Variants in DERA observed in about 807,000 individuals in gnomAD.
DERA encodes the protein 2-deoxy-D-ribose 5-phosphate aldolase.
A neutral mutation model predicts 41.1 loss-of-function variants in DERA; 15 were observed. The ratio of observed to expected loss-of-function variants is 0.37; its 90% CI spans 0.24 to 0.56. DERA has a LOEUF of 0.56. Ranked by LOEUF, DERA falls within the 20% of genes least tolerant of loss-of-function variation. DERA has a pLI of 0.81. For synonymous variants in DERA, 139 were observed against 137.4 expected (o/e 1.01, Z -0.08); for missense variants, 396 against 403.4 (o/e 0.98, Z 0.16).
rs955770318 is a variant in DERA, at chr12:15,999,569, T to C, written c.637+17133T>C. Among the ~76,000 whole-genome samples, 59 of 152,056 alleles carry C rather than the reference T, an allele frequency of 3.9e-4. 1 individual carries two copies. Among genetic ancestry groups the C allele is most frequent in the Non-Finnish European group, 1.3e-4 (9 of 68,010 alleles). On this transcript the variant is annotated intron_variant, in intron 6 of 8. Transcript: ENST00000428559. The surrounding 1 kb of genome is among the most constrained non-coding windows in gnomAD (Gnocchi z 5.3). ...TTGGGCTGAGAGTCACTGGCTCTCA[T>C]AGAGAGATGTGAAAGAACATGTCAT...
chr12:16,007,580 G>A (rs1948920711), intron 6 of DERA, among the ~76,000 whole-genome samples: 1 of 152,156 alleles, frequency 6.6e-6, no homozygotes, highest in Admixed American at 6.5e-5. Flanking sequence ...AGTAGAAAGT[G>A]GATAGTAGAT....
rs956869389 is a variant in DERA, at chr12:15,992,005, G to A, written c.637+9569G>A. Reference sequence around the variant, plus strand: ...AATTGATCATGCTGTTATACTCTTAGGACAGTTGCAAATACCAGTAGCATT... The same window carrying A: ...AATTGATCATGCTGTTATACTCTTAAGACAGTTGCAAATACCAGTAGCATT... On this transcript the variant is annotated intron_variant, in intron 6 of 8. Transcript: ENST00000428559. The surrounding 1 kb of genome is among the most constrained non-coding windows in gnomAD (Gnocchi z 4.3). 1.3e-5 allele frequency among the ~76,000 whole-genome samples: 2 copies of A among 151,584 alleles called. No homozygotes were observed. The highest frequency in any genetic ancestry group is 3.9e-4 in the East Asian group (2 of 5,168).
In DERA at chr12:15,947,594, A is replaced by G. The variant is rs537588894; in HGVS notation, c.32-9342A>G. On this transcript the variant is annotated intron_variant, in intron 1 of 8. Coordinates refer to ENST00000428559, the MANE Select transcript of DERA (RefSeq NM_015954.4). ...TCCTCCATCCCTTTATTTTCATCCT[A>G]TGTGTGTCTCTGCATGTGAGATGGG... 3.9e-5 allele frequency among the ~76,000 whole-genome samples: 6 copies of G among 151,956 alleles called. No individual in the cohort carries two copies. In the East Asian group the frequency reaches 7.7e-4, roughly 20 times the overall value.
At chr12:16,007,425 C>T (rs1019347257) in intron 6 of DERA, among the ~76,000 whole-genome samples, 1 of 152,198 alleles carries the variant, frequency 6.6e-6, no homozygotes, top group Non-Finnish European at 1.5e-5. Flanking sequence ...TCCTAGCAGT[C>T]CACCTGCCTC....
rs1481881996 is a variant in DERA at position 15,936,401 on chromosome 12, G to GT, written c.32-20529dup. ...TAATAATTTACTGTTTGTGTTGGCA[G>GT]TTTTTTCTGCAATATCTTAAAATTA... On this transcript the variant is annotated intron_variant, in intron 1 of 8. Transcript: ENST00000428559. This position sits in a 1 kb window ranked among gnomAD's most constrained non-coding sequence, Gnocchi z 4.6. Among the ~76,000 whole-genome samples, 2 of 152,164 alleles carry GT rather than the reference G, an allele frequency of 1.3e-5. No homozygotes were observed. Among genetic ancestry groups the GT allele is most frequent in the Non-Finnish European group, 2.9e-5 (2 of 68,036 alleles).
rs961764698 is a variant in DERA, at chr12:16,010,867, G to T, written c.638-21675G>T. On this transcript the variant is annotated intron_variant, in intron 6 of 8. Coordinates refer to ENST00000428559, the MANE Select transcript of DERA (RefSeq NM_015954.4). The surrounding 1 kb of genome is among the most constrained non-coding windows in gnomAD (Gnocchi z 5.5). ...CTTCTTTTATGAAAGACAGGTCACT[G>T]TAAAAAGAAACTCTACCCACTTATC... Among the ~76,000 whole-genome samples, 4 of 151,824 alleles carry T rather than the reference G, an allele frequency of 2.6e-5. No homozygotes were observed. The highest frequency in any genetic ancestry group is 2.6e-4 in the Admixed American group (4 of 15,268).
intron 1 of DERA, among the ~76,000 whole-genome samples, chr12:15,919,360 A>G (rs1266485694): frequency 1.3e-5 from 2 of 152,190 alleles, no homozygotes; most frequent in Non-Finnish European, 2.9e-5. Context: ...TTCTGCCAGG[A>G]AAGAAAGACT....
intron 1 of DERA, among the ~76,000 whole-genome samples, chr12:15,926,604 C>T (rs549900729): frequency 5.3e-4 from 80 of 152,032 alleles, no homozygotes; most frequent in Middle Eastern, 3.4e-3. Flanking sequence ...GGCGTGGTGG[C>T]GGGCGCCTGT....
At chr12:15,949,082 G>C (rs536133949) in intron 1 of DERA, among the ~76,000 whole-genome samples, 1 of 152,124 alleles carries the variant, frequency 6.6e-6, no homozygotes, top group Non-Finnish European at 1.5e-5. Context: ...AGGGGTAACC[G>C]GCCGTGTGGG....
At position 15,943,537 on chromosome 12, in the gene DERA, C is replaced by G. The variant is rs1948423210; in HGVS notation, c.32-13399C>G. ...GTTCTCCTTAAGGACCTTTTAAACC[C>G]TGTTGGCCATGGCTCACCATATGCA... On this transcript the variant is annotated intron_variant, in intron 1 of 8. Coordinates refer to ENST00000428559, the MANE Select transcript of DERA (RefSeq NM_015954.4). The surrounding 1 kb of genome is among the most constrained non-coding windows in gnomAD (Gnocchi z 4.5). Among the ~76,000 whole-genome samples, 1 of 152,148 alleles carries G rather than the reference C, an allele frequency of 6.6e-6. No individual in the cohort carries two copies. Among genetic ancestry groups the G allele is most frequent in the Non-Finnish European group, 1.5e-5 (1 of 68,032 alleles).
intron 1 of DERA, among the ~76,000 whole-genome samples, chr12:15,937,460 T>C (rs1438264576): frequency 6.6e-6 from 1 of 152,198 alleles, no homozygotes; most frequent in African/African-American, 2.4e-5. Context: ...GCCAGTAGTA[T>C]AGTTCCAGTT....
chr12:15,937,944 G>A (rs1190539804), intron 1 of DERA, among the ~76,000 whole-genome samples: 1 of 152,216 alleles, frequency 6.6e-6, no homozygotes, highest in Non-Finnish European at 1.5e-5. Flanking sequence ...GTGATGAGGA[G>A]CTGGGCTGTT....
At chr12:15,912,055 T>A (rs1227942325) in intron 1 of DERA, among the ~76,000 whole-genome samples, 2 of 151,706 alleles carry the variant, frequency 1.3e-5, no homozygotes, top group African/African-American at 2.4e-5. Flanking sequence ...TTCTTGGGTG[T>A]TTCTCGCAGA....
intron 1 of DERA, among the ~76,000 whole-genome samples, chr12:15,926,305 G>A (rs1472435300): frequency 6.6e-6 from 1 of 152,132 alleles, no homozygotes; most frequent in Non-Finnish European, 1.5e-5. Flanking sequence ...GGGACAACAG[G>A]TGTGTGCCAC....
At position 16,036,969 on chromosome 12, in the gene DERA, C is replaced by G; in HGVS notation, c.*223C>G. On this transcript the variant is annotated 3_prime_UTR_variant, in exon 9 of 9. Coordinates refer to ENST00000428559, the MANE Select transcript of DERA (RefSeq NM_015954.4). This position sits in a 1 kb window ranked among gnomAD's most constrained non-coding sequence, Gnocchi z 4.9. ...GATCTTAATTACTAGAAGATCTGCACTATTAACTTTGTGAAGAGTTTCTCC... is the reference window on the plus strand; with the variant it reads ...GATCTTAATTACTAGAAGATCTGCAGTATTAACTTTGTGAAGAGTTTCTCC... 2.1e-6 allele frequency: 1 copy of G among 471,366 alleles called. No individual in the cohort carries two copies. The allele number at this position is 471,366 out of a possible 1,614,324, so 29.2% of individuals were successfully genotyped here.
chr12:15,929,300 C>T (rs2136129406), intron 1 of DERA, among the ~76,000 whole-genome samples: 1 of 152,340 alleles, frequency 6.6e-6, no homozygotes. Context: ...AAACCTGTGT[C>T]ACTTCTTCCA....
In DERA at chr12:15,957,998, C is replaced by T. The variant is rs1948553171; in HGVS notation, c.130-190C>T. ...TACTCTTCCTCCCTTTTATTTTGGG[C>T]AGTGTTCACCTTGTTAGTGGCTCTT... is the stretch of plus-strand genomic sequence containing the variant. On this transcript the variant is annotated intron_variant, in intron 2 of 8. Coordinates refer to ENST00000428559, the MANE Select transcript of DERA (RefSeq NM_015954.4). This position sits in a 1 kb window ranked among gnomAD's most constrained non-coding sequence, Gnocchi z 4.8. 6.6e-6 allele frequency among the ~76,000 whole-genome samples: 1 copy of T among 152,130 alleles called. No individual in the cohort carries two copies. Among genetic ancestry groups the T allele is most frequent in the Admixed American group, 6.6e-5 (1 of 15,264 alleles).
In DERA at chr12:15,989,999, A is replaced by C. The variant is rs978160409; in HGVS notation, c.637+7563A>C. 6.6e-6 allele frequency among the ~76,000 whole-genome samples: 1 copy of C among 152,250 alleles called. No individual in the cohort carries two copies. The highest frequency in any genetic ancestry group is 1.5e-5 in the Non-Finnish European group (1 of 68,034). ...TTTTGTGACCTTGAACAAATAAATT[A>C]ATCTGGTTATCAATTCAAATGCAGC... On this transcript the variant is annotated intron_variant, in intron 6 of 8. Transcript: ENST00000428559. This position sits in a 1 kb window ranked among gnomAD's most constrained non-coding sequence, Gnocchi z 5.2.
chr12:15,946,420 TATTCAGGG>T (rs1412532065), intron 1 of DERA, among the ~76,000 whole-genome samples: 6 of 152,244 alleles, frequency 3.9e-5, no homozygotes, highest in African/African-American at 1.4e-4. Flanking sequence ...GTTATTGGTC[TATTCAGGG>T]ATTCAACTTC....
Sources: allele counts gnomAD v4.1 joint callset (sites outside exome capture counted in the v4.1 genomes callset), GRCh38; gene constraint gnomAD v4.1.1; non-coding constraint Gnocchi (gnomAD v3.1); transcripts MANE v1.5; gene names NCBI Gene and HGNC (gene_info 2026-07-23, HGNC 2026-07-21).